The following OXSR1 variants were observed in gnomAD, a reference collection of about 807,000 sequenced individuals.
OXSR1 encodes the protein oxidative stress responsive kinase 1.
Under a neutral mutation model 79.8 loss-of-function variants are expected in OXSR1, and 24 were observed. The ratio of observed to expected loss-of-function variants is 0.30; its 90% CI spans 0.22 to 0.42. The LOEUF (loss-of-function observed/expected upper bound fraction) is 0.42, where lower values mean the gene tolerates loss of function less well. Ranked by LOEUF, OXSR1 falls within the 10% of genes least tolerant of loss-of-function variation. The pLI is 1.00. For missense variants in OXSR1, 430 were observed against 618.4 expected, an observed-to-expected ratio of 0.70 and a Z score of 3.23; for synonymous variants, 226 against 209.2, an observed-to-expected ratio of 1.08 and a Z score of -0.69.
intron 2 of OXSR1, among the ~76,000 whole-genome samples, chr3:38,186,081 C>T (rs1334472601): frequency 3.4e-5 from 5 of 147,390 alleles, no homozygotes; most frequent in East Asian, 2.0e-4. Flanking sequence ...AGACTTTAAA[C>T]AGGCATAGAT....
intron 4 of OXSR1, among the ~76,000 whole-genome samples, chr3:38,204,778 TG>T (rs564609777): frequency 4.3e-4 from 65 of 150,944 alleles, no homozygotes; most frequent in Non-Finnish European, 7.8e-4. Context: ...CTGCCTGGGG[TG>T]GGGGGAAGGG....
At chr3:38,227,627 TAGAG>T (rs1702719067) in intron 8 of OXSR1, among the ~76,000 whole-genome samples, 2 of 149,620 alleles carry the variant, frequency 1.3e-5, no homozygotes, top group Admixed American at 1.3e-4. Context: ...CAGGAAAGAC[TAGAG>T]AGAGTATAGG....
Position 38,252,999 on chromosome 3 carries a change from C to A in OXSR1, c.*108C>A. 1.3e-6 allele frequency: 1 copy of A among 793,606 alleles called. No individual in the cohort carries two copies. Among genetic ancestry groups the A allele is most frequent in the Non-Finnish European group, 2.1e-6 (1 of 467,248 alleles). 49.2% of individuals were successfully genotyped at this position (793,606 alleles called of 1,614,324 possible). On this transcript the variant is annotated 3_prime_UTR_variant, in exon 18 of 18. Transcript: ENST00000311806. ...CCAAAGAACCCAGCAACAAACCTCC[C>A]GGCTAGGAGCTTTAGAAGTCTTTAT...
chr3:38,187,396 G>C (rs190213366), intron 2 of OXSR1, among the ~76,000 whole-genome samples: 43 of 152,278 alleles, frequency 2.8e-4, no homozygotes, highest in Non-Finnish European at 1.0e-4. Context: ...GGAAAACACA[G>C]ATTTCCTGGA....
At chr3:38,242,597 A>G in intron 11 of OXSR1, 146 bp from the exon 12 acceptor site, 1 of 469,196 alleles carries the variant, frequency 2.1e-6, no homozygotes, top group Admixed American at 3.7e-5. Context: ...TTTTTCCAGA[A>G]AACTTTCAGT....
intron 4 of OXSR1, among the ~76,000 whole-genome samples, chr3:38,211,224 C>T (rs1394128245): frequency 2.0e-5 from 3 of 152,186 alleles, no homozygotes; most frequent in Admixed American, 6.5e-5. Context: ...TCCTTCATAT[C>T]AGCTAACCTG....
chr3:38,208,723 A>G (rs1559512755), intron 4 of OXSR1, among the ~76,000 whole-genome samples: 3 of 152,128 alleles, frequency 2.0e-5, no homozygotes, highest in Admixed American at 6.5e-5. Context: ...TAACATGGTG[A>G]AACCCTGTCT....
chr3:38,193,958 A>G (rs1702029320), intron 3 of OXSR1, among the ~76,000 whole-genome samples: 2 of 152,216 alleles, frequency 1.3e-5, no homozygotes, highest in Non-Finnish European at 2.9e-5. Context: ...ATGAATAAAC[A>G]TTTAAACTGA....
intron 4 of OXSR1, among the ~76,000 whole-genome samples, chr3:38,212,321 G>A (rs1702404543): frequency 6.6e-6 from 1 of 152,180 alleles, no homozygotes; most frequent in African/African-American, 2.4e-5. Flanking sequence ...TTGTATGTCA[G>A]CCTAGTGGAT....
chr3:38,222,391 A>G (rs1194943370), intron 6 of OXSR1, among the ~76,000 whole-genome samples: 5 of 152,174 alleles, frequency 3.3e-5, no homozygotes, highest in African/African-American at 1.2e-4. Flanking sequence ...ATTGGCTGAC[A>G]CGGAACCGAA....
At chr3:38,204,507 C>G (rs985282992) in intron 4 of OXSR1, among the ~76,000 whole-genome samples, 2 of 152,022 alleles carry the variant, frequency 1.3e-5, no homozygotes. Context: ...GCTTGGCTGC[C>G]ACTGCCAATT....
intron 5 of OXSR1, among the ~76,000 whole-genome samples, 165 bp from the exon 6 acceptor site, chr3:38,221,413 C>T (rs909217849): frequency 5.9e-5 from 9 of 152,112 alleles, no homozygotes; most frequent in South Asian, 2.1e-4. Context: ...AGCCACTGTT[C>T]CTAGTCTAAG....
Position 38,254,953 on chromosome 3 carries a change from T to A in OXSR1, c.*2062T>A, listed in dbSNP as rs1159104245. On this transcript the variant is annotated 3_prime_UTR_variant, in exon 18 of 18. Coordinates refer to ENST00000311806, the MANE Select transcript of OXSR1 (RefSeq NM_005109.3). Reference sequence around the variant, plus strand: ...CTTCTTTTCAGTTCATTGTTTGCCCTGCTAGGAATTAGAAGACAGACACCA... The same window carrying A: ...CTTCTTTTCAGTTCATTGTTTGCCCAGCTAGGAATTAGAAGACAGACACCA... The A allele has an allele frequency of 2.0e-5, 3 of 152,708 alleles. No homozygotes were observed. The highest frequency in any genetic ancestry group is 4.4e-5 in the Non-Finnish European group (3 of 68,098). 9.5% of individuals were successfully genotyped at this position (152,708 alleles called of 1,614,324 possible).
chr3:38,225,405 G>A (rs1207781481), intron 8 of OXSR1, among the ~76,000 whole-genome samples: 4 of 152,024 alleles, frequency 2.6e-5, no homozygotes, highest in African/African-American at 9.7e-5. Context: ...TCTTAGCACT[G>A]AGTTCTTTAA....
At chr3:38,200,444 C>T (rs1011808543) in intron 4 of OXSR1, among the ~76,000 whole-genome samples, 5 of 152,148 alleles carry the variant, frequency 3.3e-5, no homozygotes, top group Non-Finnish European at 7.3e-5. Context: ...TCTGAGGCCC[C>T]TAGCCACTCT....
At chr3:38,226,854 G>A (rs1352334768) in intron 8 of OXSR1, among the ~76,000 whole-genome samples, 2 of 151,566 alleles carry the variant, frequency 1.3e-5, no homozygotes, top group African/African-American at 2.4e-5. Flanking sequence ...ACAGAAAAAG[G>A]ACATTAGTGG....
rs80236377 is a variant in OXSR1 at position 38,209,011 on chromosome 3, T to C, written c.435-7085T>C. On this transcript the variant is annotated intron_variant, in intron 4 of 17. Coordinates refer to ENST00000311806, the MANE Select transcript of OXSR1 (RefSeq NM_005109.3). Reference sequence around the variant, plus strand: ...GCGCGCGCGCGTGCGCGCATGTGCATGTTTGGTGGGGTATGGTACCTTGCT... The same window carrying C: ...GCGCGCGCGCGTGCGCGCATGTGCACGTTTGGTGGGGTATGGTACCTTGCT... Among the ~76,000 whole-genome samples the C allele has an allele frequency of 1.5e-3, 228 of 152,020 alleles. 4 individuals carry two copies. The East Asian group carries it at 0.033, about 22-fold the overall frequency.
Position 38,165,642 on chromosome 3 carries a change from C to CGGGCA in OXSR1, c.-233_-229dup, listed in dbSNP as rs1701428910. On this transcript the variant is annotated 5_prime_UTR_variant, in exon 1 of 18. Coordinates refer to ENST00000311806, the MANE Select transcript of OXSR1 (RefSeq NM_005109.3). Reference sequence around the variant, plus strand: ...GCCGAGGACAGGACGTGGGCTGGGCCGGGCAGTGCCGGACTCGGAGGAGCA... The same window carrying CGGGCA: ...GCCGAGGACAGGACGTGGGCTGGGCCGGGCAGGGCAGTGCCGGACTCGGAGGAGCA... 7.8e-6 allele frequency: 4 copies of CGGGCA among 512,596 alleles called. 1 individual carries two copies. The East Asian group carries it at 1.4e-4, about 18-fold the overall frequency. The allele number at this position is 512,596 out of a possible 1,614,324, so 31.8% of individuals were successfully genotyped here.
intron 3 of OXSR1, among the ~76,000 whole-genome samples, chr3:38,196,958 T>A (rs1702081442): frequency 1.3e-5 from 2 of 152,232 alleles, no homozygotes; most frequent in South Asian, 4.1e-4. Flanking sequence ...TTTACGATAA[T>A]TTTAGGTATT....
Sources: allele counts gnomAD v4.1 joint callset (sites outside exome capture counted in the v4.1 genomes callset), GRCh38; gene constraint gnomAD v4.1.1; transcripts MANE v1.5; gene names NCBI Gene and HGNC (gene_info 2026-07-23, HGNC 2026-07-21).